The following FBXO34 variants were observed in gnomAD, a reference collection of about 807,000 sequenced individuals.
The protein encoded by FBXO34 is F-box only protein 34.
A neutral mutation model predicts 24.5 loss-of-function variants in FBXO34; 12 were observed. That is an observed-to-expected ratio of 0.49 (90% CI 0.31 to 0.79). FBXO34 has a LOEUF of 0.79. Ranked by LOEUF, FBXO34 falls within the 30% of genes least tolerant of loss-of-function variation. The probability of loss-of-function intolerance (pLI) is 0.04; values close to 1 mark genes in which losing one functional copy is unlikely to be tolerated. For synonymous variants in FBXO34, 320 were observed against 311.9 expected (o/e 1.03, Z -0.27); for missense variants, 823 against 857.7 (o/e 0.96, Z 0.51).
At chr14:55,367,943 A>C (rs750882572) in exon 3 of FBXO34, 1 of 152,564 alleles carries the variant, frequency 6.6e-6, no homozygotes, top group Non-Finnish European at 1.5e-5. Context: ...TATCAACTAC[A>C]ATTATTATGA....
At chr14:55,409,903 A>C in the FBXO34 span, among the ~76,000 whole-genome samples, 55 of 152,358 alleles carry the variant, frequency 3.6e-4, no homozygotes, top group South Asian at 2.3e-3. Context: ...GAGACATAAG[A>C]GGAAATAAGT....
chr14:55,404,662 T>C, the FBXO34 span, among the ~76,000 whole-genome samples: 1 of 152,038 alleles, frequency 6.6e-6, no homozygotes, highest in Non-Finnish European at 1.5e-5. Flanking sequence ...GGTGTACAGG[T>C]GGGGGGTGCT....
At chr14:55,306,265 T>C (rs576477897) in intron 1 of FBXO34, among the ~76,000 whole-genome samples, 5 of 152,218 alleles carry the variant, frequency 3.3e-5, no homozygotes, top group Non-Finnish European at 5.9e-5. Flanking sequence ...ATTTGTTTCC[T>C]AAGGAATAAA....
intron 1 of FBXO34, among the ~76,000 whole-genome samples, chr14:55,285,857 C>T (rs777019895): frequency 1.7e-4 from 26 of 152,110 alleles, no homozygotes; most frequent in Non-Finnish European, 1.6e-4. Flanking sequence ...AGTCATAATC[C>T]AGTGAGAATT....
chr14:55,386,033 T>A, the FBXO34 span: 1 of 1,614,196 alleles, frequency 6.2e-7, no homozygotes, highest in South Asian at 1.1e-5. Flanking sequence ...TTTCTCTTGG[T>A]GCCGTTGTGC....
the FBXO34 span, among the ~76,000 whole-genome samples, chr14:55,414,817 CCT>C: frequency 6.6e-6 from 1 of 152,148 alleles, no homozygotes; most frequent in Non-Finnish European, 1.5e-5. Context: ...TGATCCACGT[CCT>C]CTCTAGTTAA....
At position 55,298,935 on chromosome 14, in the gene FBXO34, G is replaced by T. The variant is rs1048473133; in HGVS notation, c.-11+27398G>T. 2.2e-5 allele frequency: 35 copies of T among 1,579,400 alleles called. 1 individual carries two copies. Among genetic ancestry groups the T allele is most frequent in the Middle Eastern group, 3.3e-4 (2 of 6,040 alleles). ...CAATACCGAGGTGCTCAAGAACATG[G>T]GCTCTGCAGCCAAGGCCAAGAAGGC... is the stretch of plus-strand genomic sequence containing the variant. On this transcript the variant is annotated intron_variant, in intron 1 of 1. Transcript: ENST00000313833.
chr14:55,437,254 A>G, the FBXO34 span, among the ~76,000 whole-genome samples: 1 of 152,260 alleles, frequency 6.6e-6, no homozygotes, highest in Non-Finnish European at 1.5e-5. Context: ...AGGCAGGCGG[A>G]TGGCTGGAGG....
chr14:55,323,381 T>G (rs1490447482), intron 1 of FBXO34, among the ~76,000 whole-genome samples: 5 of 136,102 alleles, frequency 3.7e-5, no homozygotes, highest in Admixed American at 7.3e-5. Flanking sequence ...CCCTTTAAAT[T>G]TATTTATTTT....
chr14:55,330,639 A>G (rs1883501875), intron 1 of FBXO34, among the ~76,000 whole-genome samples: 1 of 151,974 alleles, frequency 6.6e-6, no homozygotes, highest in African/African-American at 2.4e-5. Flanking sequence ...AAGTAAAAAA[A>G]AATTAGCTGG....
chr14:55,360,289 T>C (rs1293496840), intron 3 of FBXO34, among the ~76,000 whole-genome samples: 2 of 151,942 alleles, frequency 1.3e-5, no homozygotes, highest in East Asian at 3.9e-4. Context: ...GCCAGGCTGG[T>C]CTTGAACTCC....
At chr14:55,364,345 CAA>C (rs998750053), downstream of FBXO34, among the ~76,000 whole-genome samples, 1 of 152,168 alleles carries the variant, frequency 6.6e-6, no homozygotes, top group African/African-American at 2.4e-5. Flanking sequence ...AAAGGCACAA[CAA>C]AAAAGTCATT....
rs1291343885 is a variant in FBXO34, at chr14:55,335,495, G to A, written c.-10-14886G>A. ...TTTTTAGATAATGAAGAACCACTGGGATTAGAGGGTGTATAAAATACAATA... is the reference window on the plus strand; with the variant it reads ...TTTTTAGATAATGAAGAACCACTGGAATTAGAGGGTGTATAAAATACAATA... On this transcript the variant is annotated intron_variant, in intron 1 of 1. Transcript: ENST00000313833. 4 of 152,182 alleles carry A rather than the reference G, an allele frequency of 2.6e-5. No homozygotes were observed. The East Asian group carries it at 7.7e-4, about 29-fold the overall frequency. The allele number at this position is 152,182 out of a possible 1,614,324, so 9.4% of individuals were successfully genotyped here.
the FBXO34 span, among the ~76,000 whole-genome samples, chr14:55,387,329 G>A: frequency 6.6e-6 from 1 of 152,162 alleles, no homozygotes; most frequent in Non-Finnish European, 1.5e-5. Context: ...CCACTTGAAC[G>A]TATGGATGGA....
chr14:55,317,128 G>A (rs1196446117), intron 1 of FBXO34, among the ~76,000 whole-genome samples: 1 of 152,098 alleles, frequency 6.6e-6, no homozygotes, highest in African/African-American at 2.4e-5. Context: ...TGGAAGTCAA[G>A]GCCTTACTGT....
At chr14:55,347,724 G>A (rs1417365535) in intron 1 of FBXO34, among the ~76,000 whole-genome samples, 1 of 152,178 alleles carries the variant, frequency 6.6e-6, no homozygotes, top group African/African-American at 2.4e-5. Context: ...GCAAATAAAA[G>A]CCTTCTGTAA....
At chr14:55,405,437 A>G in the FBXO34 span, among the ~76,000 whole-genome samples, 4 of 152,228 alleles carry the variant, frequency 2.6e-5, no homozygotes, top group African/African-American at 9.6e-5. Flanking sequence ...GTAATGTGGC[A>G]TCATTCCTGA....
downstream of FBXO34, chr14:55,369,455 G>T: frequency 3.1e-6 from 2 of 635,250 alleles, no homozygotes; most frequent in Non-Finnish European, 2.4e-6. Context: ...CAGGCCACTT[G>T]GCAAATAGAA....
the FBXO34 span, among the ~76,000 whole-genome samples, chr14:55,417,623 C>G: frequency 6.6e-6 from 1 of 152,098 alleles, no homozygotes; most frequent in Non-Finnish European, 1.5e-5. Flanking sequence ...CCATGTCTGG[C>G]TAATTTTGTC....
Sources: allele counts gnomAD v4.1 joint callset (sites outside exome capture counted in the v4.1 genomes callset), GRCh38; gene constraint gnomAD v4.1.1; transcripts MANE v1.5; gene names NCBI Gene and HGNC (gene_info 2026-07-23, HGNC 2026-07-21).